MAP3K15: variants seen among roughly 807,000 people sequenced by gnomAD.
MAP3K15 encodes mitogen-activated protein kinase kinase kinase 15.
Under a neutral mutation model 99.5 loss-of-function variants are expected in MAP3K15, and 124 were observed. That is an observed-to-expected ratio of 1.25 (90% confidence interval 1.08 to 1.45). The LOEUF is 1.45. Among genes scored for constraint, MAP3K15 ranks in the 40% most tolerant of loss-of-function variants. MAP3K15 has a pLI of 0.00. For missense variants in MAP3K15, 1,242 were observed against 1,079.7 expected (o/e 1.15, Z -2.11); for synonymous variants, 494 against 439.6 (o/e 1.12, Z -1.55).
intron 1 of MAP3K15, among the ~76,000 whole-genome samples, chrX:19,508,437 G>A (rs1602359918): frequency 1.8e-5 from 2 of 112,648 alleles, no homozygotes; most frequent in Admixed American, 9.4e-5. Context: ...CTCCCGAAGT[G>A]CTGGTATTAC....
At chrX:19,433,388 G>A (rs1353387850) in intron 6 of MAP3K15, among the ~76,000 whole-genome samples, 3 of 111,500 alleles carry the variant, frequency 2.7e-5, no homozygotes, top group Non-Finnish European at 3.8e-5. Flanking sequence ...AGAACAAAAA[G>A]GCCAAGGAAG....
At chrX:19,511,739 C>A (rs991760663) in intron 1 of MAP3K15, among the ~76,000 whole-genome samples, 3 of 111,880 alleles carry the variant, frequency 2.7e-5, no homozygotes, top group Non-Finnish European at 5.6e-5. Context: ...ATTAGTTCAA[C>A]CATTGTGAAA....
At chrX:19,425,499 A>C in intron 9 of MAP3K15, 32 bp downstream of exon 9, 1 of 1,153,739 alleles carries the variant, frequency 8.7e-7, no homozygotes, top group Non-Finnish European at 1.2e-6. Context: ...ATGTATTGAG[A>C]TGGGTGATGA....
rs192978410 is a variant in MAP3K15, at chrX:19,456,970, G to A, written c.938C>T (p.Thr313Met). 8.3e-6 allele frequency: 10 copies of A among 1,197,908 alleles called. No homozygotes were observed. The South Asian group carries it at 8.8e-5, about 11-fold the overall frequency. ...KLVETLEMLP[T>M]CDLADQHNIK... ...GTTATGCTGATCGGCCAAATCACAC[G>A]TAGGCAGCATCTCCAGTGTTTCCAC... The change falls in exon 6 of 29, where the codon ACG becomes ATG. Residue 313 changes from threonine to methionine, a missense_variant. Transcript: ENST00000338883.
At chrX:19,513,826 A>G (rs1569248446) in intron 1 of MAP3K15, among the ~76,000 whole-genome samples, 1 of 111,177 alleles carries the variant, frequency 9.0e-6, no homozygotes, top group Non-Finnish European at 1.9e-5. Context: ...GTTTGTCACC[A>G]AAGGTGCTGT....
chrX:19,494,454 G>A (rs1284597065), intron 1 of MAP3K15, among the ~76,000 whole-genome samples: 1 of 111,989 alleles, frequency 8.9e-6, no homozygotes, highest in East Asian at 2.8e-4. Flanking sequence ...CTTGAAACAC[G>A]CTAGTGTTAA....
chrX:19,363,584 G>C (rs779393932), intron 25 of MAP3K15, among the ~76,000 whole-genome samples: 3 of 111,464 alleles, frequency 2.7e-5, no homozygotes, highest in South Asian at 3.7e-4. Context: ...AGAATAGAAT[G>C]GTAAGTTTCT....
chrX:19,431,960 T>C (rs2063886625), intron 6 of MAP3K15, among the ~76,000 whole-genome samples: 1 of 107,747 alleles, frequency 9.3e-6, no homozygotes, highest in African/African-American at 3.4e-5. Context: ...TTTTTTTTTT[T>C]TTAAAAAGAC....
intron 3 of MAP3K15, among the ~76,000 whole-genome samples, chrX:19,473,738 C>G (rs1046108189): frequency 9.0e-6 from 1 of 110,633 alleles, no homozygotes; most frequent in South Asian, 3.8e-4. Context: ...AGTTCCTGAC[C>G]TAGCAATTGC....
chrX:19,442,524 ATTTT>A (rs11349966), intron 6 of MAP3K15, among the ~76,000 whole-genome samples: 53 of 76,914 alleles, frequency 6.9e-4, no homozygotes, highest in African/African-American at 2.2e-3. Context: ...CCATTCAACA[ATTTT>A]TTTTTTTTTT....
At chrX:19,505,912 A>G (rs1305551021) in intron 1 of MAP3K15, among the ~76,000 whole-genome samples, 1 of 108,512 alleles carries the variant, frequency 9.2e-6, no homozygotes, top group African/African-American at 3.4e-5. Context: ...ACGCAAGGCT[A>G]ATTTTTGGGG....
chrX:19,383,169 C>G (rs1348740975), intron 18 of MAP3K15, among the ~76,000 whole-genome samples: 2 of 111,712 alleles, frequency 1.8e-5, no homozygotes, highest in African/African-American at 6.5e-5. Flanking sequence ...ATTTGACCCC[C>G]AAGCCCCAGG....
rs766896710 is a variant in MAP3K15, at chrX:19,373,630, C to T, written c.2839G>A (p.Glu947Lys). ...QGEPMATSSS[E>K]HGSVSPDSDA... ...GAGTCTGGGGAGACAGAGCCGTGCT[C>T]GCTGCTGCTGGTGGCCATGGGCTCT... is the stretch of plus-strand genomic sequence containing the variant. Residue 947 changes from glutamate to lysine, a missense_variant, in exon 21 of 29, where the codon GAG becomes AAG. By Grantham distance (56) the Glu-to-Lys change is moderately conservative. Coordinates refer to ENST00000338883, the MANE Select transcript of MAP3K15 (RefSeq NM_001001671.4). The T allele has an allele frequency of 1.0e-5, 12 of 1,196,673 alleles. No individual in the cohort carries two copies. The highest frequency in any genetic ancestry group is 1.8e-5 in the South Asian group (1 of 54,899).
At chrX:19,371,659 GT>G in intron 22 of MAP3K15, 129 bp from the exon 23 acceptor site, 3 of 585,856 alleles carry the variant, frequency 5.1e-6, no homozygotes, top group Non-Finnish European at 2.6e-6. Context: ...AGGGGTCTCT[GT>G]TTGTTCCCTC....
chrX:19,432,568 A>G (rs1329521031), intron 6 of MAP3K15, among the ~76,000 whole-genome samples: 3 of 109,442 alleles, frequency 2.7e-5, no homozygotes, highest in Non-Finnish European at 5.7e-5. Flanking sequence ...AAAAAAAAAA[A>G]AAAGAAAGAA....
intron 19 of MAP3K15, among the ~76,000 whole-genome samples, chrX:19,377,073 A>C (rs141606656): frequency 0.039 from 4,295 of 111,513 alleles, 239 homozygotes; most frequent in African/African-American, 0.13. Flanking sequence ...TAAATCTGTA[A>C]CAGTCCCTTC....
At chrX:19,380,457 C>T (rs774440755) in intron 18 of MAP3K15, among the ~76,000 whole-genome samples, 180 bp from the exon 19 acceptor site, 1 of 111,924 alleles carries the variant, frequency 8.9e-6, no homozygotes, top group South Asian at 3.8e-4. Context: ...AAAAACCCAC[C>T]ACTAACTGTG....
chrX:19,373,750 A>G, intron 20 of MAP3K15, 55 bp from the exon 21 acceptor site: 1 of 1,132,024 alleles, frequency 8.8e-7, no homozygotes, highest in Non-Finnish European at 1.2e-6. Context: ...GACGGGGTGG[A>G]GCTGAGTCCC....
chrX:19,495,666 A>G (rs767344733), intron 1 of MAP3K15, among the ~76,000 whole-genome samples: 1 of 111,994 alleles, frequency 8.9e-6, no homozygotes, highest in East Asian at 2.8e-4. Context: ...AATGGGCTCA[A>G]TGGGCTTAAT....
Sources: gnomAD v4.1 joint callset for allele counts (sites outside exome capture counted in the v4.1 genomes callset) on GRCh38, gnomAD v4.1.1 for gene constraint, MANE v1.5 for transcripts, NCBI Gene and HGNC (gene_info 2026-07-23, HGNC 2026-07-21) for gene names.